DVL2: variants seen among roughly 807,000 people sequenced by gnomAD.
DVL2 encodes the protein dishevelled segment polarity protein 2, also known as segment polarity protein dishevelled homolog DVL-2.
Under a neutral mutation model 69.8 loss-of-function variants are expected in DVL2, and 38 were observed. That is an observed-to-expected ratio of 0.54 (90% CI 0.42 to 0.71). The LOEUF (loss-of-function observed/expected upper bound fraction) is 0.71. Among genes scored for constraint, DVL2 ranks in the 30% least tolerant of loss-of-function variants. The pLI, the probability that DVL2 is intolerant of heterozygous loss-of-function variation, is 0.00. For missense variants in DVL2, 931 were observed against 1,008.1 expected (o/e 0.92, Z 1.04); for synonymous variants, 428 against 392.4 (o/e 1.09, Z -1.07).
chr17:7,230,275 A>G lies in DVL2; in HGVS notation c.410+10T>C, dbSNP rs62059165. ...TCCCTCCCCTGCAGTCAAGAATCTG[A>G]AGGACTCACTGGAAGGATGGAGGCC... On this transcript the variant is annotated intron_variant, in intron 3 of 14. Transcript: ENST00000005340. 0.014 allele frequency: 21,794 copies of G among 1,613,966 alleles called. 2,037 individuals are homozygous for G. In the African/African-American group the frequency reaches 0.22, roughly 17 times the overall value.
Position 7,229,768 on chromosome 17 carries a change from C to A in DVL2, c.656+40G>T. ...CAAGAGGATTGACTGGAAGACGAGA[C>A]GGGGCTGGGTGCGCTGGGGAGAGCT... is the stretch of plus-strand genomic sequence containing the variant. On this transcript the variant is annotated intron_variant, in intron 5 of 14. Coordinates refer to ENST00000005340, the MANE Select transcript of DVL2 (RefSeq NM_004422.3). This position sits in a 1 kb window ranked among gnomAD's most constrained non-coding sequence, Gnocchi z 4.4. The A allele has an allele frequency of 6.3e-7, 1 of 1,592,990 alleles. No individual in the cohort carries two copies. Among genetic ancestry groups the A allele is most frequent in the Non-Finnish European group, 8.6e-7 (1 of 1,165,486 alleles).
At chr17:7,233,573 T>TG (rs1162708249) in intron 1 of DVL2, among the ~76,000 whole-genome samples, 1 of 152,138 alleles carries the variant, frequency 6.6e-6, no homozygotes, top group Non-Finnish European at 1.5e-5. Context: ...GCCACCCAAG[T>TG]AGCTGGGACT....
intron 2 of DVL2, 77 bp downstream of exon 2, chr17:7,230,651 G>A (rs1234532979): frequency 1.4e-6 from 2 of 1,474,364 alleles, no homozygotes; most frequent in African/African-American, 1.4e-5. Context: ...GCCTGGGGAG[G>A]ATACAGAAAC....
chr17:7,229,125 C>T lies in DVL2; in HGVS notation c.957+10G>A. 6.2e-7 allele frequency: 1 copy of T among 1,614,032 alleles called. No homozygotes were observed. The highest frequency in any genetic ancestry group is 8.5e-7 in the Non-Finnish European group (1 of 1,179,894). On this transcript the variant is annotated intron_variant, in intron 8 of 14. Coordinates refer to ENST00000005340, the MANE Select transcript of DVL2 (RefSeq NM_004422.3). This position sits in a 1 kb window ranked among gnomAD's most constrained non-coding sequence, Gnocchi z 4.4. ...GTGCAGGGCAGCTCAGTGGCCCTAC[C>T]CCAGCACACCTGCAAAAGCATGTCC...
rs1224458068 is a variant in DVL2, at chr17:7,229,348, C to A, written c.817+30G>T. The A allele has an allele frequency of 1.2e-6, 2 of 1,613,770 alleles. No homozygotes were observed. The highest frequency in any genetic ancestry group is 3.3e-5 in the Admixed American group (2 of 60,020). On this transcript the variant is annotated intron_variant, in intron 7 of 14. Coordinates refer to ENST00000005340, the MANE Select transcript of DVL2 (RefSeq NM_004422.3). This position sits in a 1 kb window ranked among gnomAD's most constrained non-coding sequence, Gnocchi z 4.4. ...CGGAACCCTAGAGACCAGGCCCTCCCCACGCCCTAGCCACAGGCTCTCCCC... is the reference window on the plus strand; with the variant it reads ...CGGAACCCTAGAGACCAGGCCCTCCACACGCCCTAGCCACAGGCTCTCCCC...
Position 7,226,245 on chromosome 17 carries a change from C to A in DVL2, c.1831G>T (p.Ala611Ser). Residue 611 changes from alanine (A) to serine (S), a missense_variant, in exon 15 of 15, where the codon GCC becomes TCC. Physicochemically the swap from Ala to Ser is moderately conservative, Grantham distance 99. Transcript: ENST00000005340. ...CCACTGCCGGACTTGGACTCGGGGGCCCGCTCCTCGGGCCTCCCCGTGCGC... is the reference window on the plus strand; with the variant it reads ...CCACTGCCGGACTTGGACTCGGGGGACCGCTCCTCGGGCCTCCCCGTGCGC... Reference protein sequence around the residue: ...AGRTGRPEERAPESKSGSGSE... With the variant: ...AGRTGRPEERSPESKSGSGSE... 6.2e-7 allele frequency: 1 copy of A among 1,611,180 alleles called. No individual in the cohort carries two copies. Among genetic ancestry groups the A allele is most frequent in the Non-Finnish European group, 8.5e-7 (1 of 1,179,352 alleles).
intron 9 of DVL2, chr17:7,228,291 T>A: frequency 2.8e-6 from 1 of 355,324 alleles, no homozygotes; most frequent in South Asian, 6.4e-5. Flanking sequence ...TCACAGAAAG[T>A]CCAAAAACAG....
At position 7,225,392 on chromosome 17, in the gene DVL2, AAT is replaced by A. The variant is rs1479201145; in HGVS notation, c.*471_*472del. On this transcript the variant is annotated 3_prime_UTR_variant, in exon 15 of 15. Coordinates refer to ENST00000005340, the MANE Select transcript of DVL2 (RefSeq NM_004422.3). ...GTGTTTTATACAAGTGACTAAAATA[AAT>A]AGAGTAACAAAGGCAGCTACATGGC... 1.4e-5 allele frequency: 7 copies of A among 497,402 alleles called. No homozygotes were observed. The East Asian group carries it at 2.6e-4, about 19-fold the overall frequency. The allele number at this position is 497,402 out of a possible 1,614,324, so 30.8% of individuals were successfully genotyped here. A position where few individuals can be genotyped will look rare whatever the true frequency, so the allele number is the denominator to read the frequency against.
intron 10 of DVL2, 89 bp downstream of exon 10, chr17:7,227,888 C>A (rs1219445437): frequency 1.3e-6 from 2 of 1,563,776 alleles, no homozygotes; most frequent in Non-Finnish European, 1.7e-6. Context: ...GACCCTCCTC[C>A]CACCCATTCC....
chr17:7,227,556 T>C (rs1159675915), intron 11 of DVL2, 21 bp from the exon 12 acceptor site: 1 of 1,613,080 alleles, frequency 6.2e-7, no homozygotes, highest in Non-Finnish European at 8.5e-7. Context: ...AGACAACGGG[T>C]AACCAGAGTC....
At position 7,234,472 on chromosome 17, in the gene DVL2, G is replaced by A. The variant is rs532884947; in HGVS notation, c.-210C>T. On this transcript the variant is annotated 5_prime_UTR_variant, in exon 1 of 15. Coordinates refer to ENST00000005340, the MANE Select transcript of DVL2 (RefSeq NM_004422.3). ...ACTCAAAGCCCCGGTCTCAGCGGCC[G>A]CCGCGCGCCACCGCCACCGACGCCG... 17 of 571,524 alleles carry A rather than the reference G, an allele frequency of 3.0e-5. No homozygotes were observed. In the East Asian group the frequency reaches 5.4e-4, roughly 18 times the overall value. 35.4% of individuals were successfully genotyped at this position (571,524 alleles called of 1,614,324 possible). A position where few individuals can be genotyped will look rare whatever the true frequency, so the allele number is the denominator to read the frequency against.
In DVL2 at chr17:7,226,554, G is replaced by A. The variant is rs1329497181; in HGVS notation, c.1629C>T (p.Thr543=). The A allele has an allele frequency of 7.5e-6, 12 of 1,608,908 alleles. No homozygotes were observed. In the East Asian group the frequency reaches 8.9e-5, roughly 12 times the overall value. ...QDTLAPLPGA[T]PWPLLPTFSY... ...AGAAAGTGGGCAGCAGGGGCCAGGG[G>A]GTGGCCCCAGGCAGAGGAGCCAGGG... Residue 543 remains threonine, a synonymous_variant, in exon 14 of 15, where the codon ACC becomes ACT. Transcript: ENST00000005340.
intron 9 of DVL2, 124 bp downstream of exon 9, chr17:7,228,845 G>T: frequency 1.1e-6 from 1 of 943,282 alleles, no homozygotes. Context: ...GCCTCCCAAA[G>T]TGCTGGGTTT....
At chr17:7,233,975 TCC>T in intron 1 of DVL2, 92 bp downstream of exon 1, 1 of 1,379,596 alleles carries the variant, frequency 7.2e-7, no homozygotes, top group Non-Finnish European at 1.0e-6. Flanking sequence ...GGCCAGAAAA[TCC>T]CAGTGTGGCC....
chr17:7,230,864 T>C (rs993770843), intron 1 of DVL2, 67 bp from the exon 2 acceptor site: 235 of 1,222,352 alleles, frequency 1.9e-4, no homozygotes, highest in Non-Finnish European at 2.5e-4. Context: ...CCCATCAAAC[T>C]TTCTCCCAAT....
chr17:7,226,878 GAC>G (rs2071462158), intron 13 of DVL2: 1 of 636,376 alleles, frequency 1.6e-6, no homozygotes, highest in Admixed American at 3.2e-5. Flanking sequence ...TCCCCCGGTG[GAC>G]ACAGTCCTGC....
Position 7,226,519 on chromosome 17 carries a change from T to C in DVL2, c.1664A>G (p.Tyr555Cys). Residue 555 changes from tyrosine to cysteine, a missense_variant, in exon 14 of 15, where the codon TAC (tyrosine) becomes TGC (cysteine). Coordinates refer to ENST00000005340, the MANE Select transcript of DVL2 (RefSeq NM_004422.3). ...CGGGCTGTAGGGGTGTGGGGCAGGG[T>C]ATTGGTAGGAGAAAGTGGGCAGCAG... is the stretch of plus-strand genomic sequence containing the variant. Reference protein sequence around the residue: ...WPLLPTFSYQYPAPHPYSPQP... With the variant: ...WPLLPTFSYQCPAPHPYSPQP... 6.2e-7 allele frequency: 1 copy of C among 1,606,084 alleles called. No homozygotes were observed. The highest frequency in any genetic ancestry group is 8.5e-7 in the Non-Finnish European group (1 of 1,176,390).
chr17:7,226,242 G>T lies in DVL2; in HGVS notation c.1834C>A (p.Pro612Thr). 1 of 1,611,566 alleles carries T rather than the reference G, an allele frequency of 6.2e-7. No homozygotes were observed. Among genetic ancestry groups the T allele is most frequent in the East Asian group, 2.2e-5 (1 of 44,846 alleles). Reference sequence around the variant, plus strand: ...CTGCCACTGCCGGACTTGGACTCGGGGGCCCGCTCCTCGGGCCTCCCCGTG... The same window carrying T: ...CTGCCACTGCCGGACTTGGACTCGGTGGCCCGCTCCTCGGGCCTCCCCGTG... ...GRTGRPEERA[P>T]ESKSGSGSES... The change falls in exon 15 of 15, where the codon CCC becomes ACC. Residue 612 changes from proline (P) to threonine (T), a missense_variant. Physicochemically the swap from Pro to Thr is conservative, Grantham distance 38. Coordinates refer to ENST00000005340, the MANE Select transcript of DVL2 (RefSeq NM_004422.3).
intron 12 of DVL2, 52 bp from the exon 13 acceptor site, chr17:7,227,321 C>T: frequency 6.2e-7 from 1 of 1,602,182 alleles, no homozygotes; most frequent in Non-Finnish European, 8.5e-7. Context: ...CCAACTCCTG[C>T]TCTCGCCTCT....
Sources: allele counts gnomAD v4.1 joint callset (sites outside exome capture counted in the v4.1 genomes callset), GRCh38; gene constraint gnomAD v4.1.1; non-coding constraint Gnocchi (gnomAD v3.1); transcripts MANE v1.5; gene names NCBI Gene and HGNC (gene_info 2026-07-23, HGNC 2026-07-21).